TET1: variants seen among roughly 807,000 people sequenced by gnomAD.
The protein encoded by TET1 is methylcytosine dioxygenase TET1.
Under a neutral mutation model 148.7 loss-of-function variants are expected in TET1, and 13 were observed. That is an observed-to-expected ratio of 0.09 (90% confidence interval 0.06 to 0.14). The LOEUF (loss-of-function observed/expected upper bound fraction) is 0.14. TET1 is among the 10% of genes least tolerant of loss of function. TET1 has a pLI of 1.00. For synonymous variants in TET1, 907 were observed against 937.2 expected (o/e 0.97, Z 0.59); for missense variants, 2,182 against 2,553.8 (o/e 0.85, Z 3.14).
intron 10 of TET1, 48 bp downstream of exon 10, chr10:68,683,021 C>T: frequency 6.3e-7 from 1 of 1,599,958 alleles, no homozygotes; most frequent in Non-Finnish European, 8.5e-7. Context: ...TCACTATATG[C>T]TTAGGCTGCA....
intron 1 of TET1, among the ~76,000 whole-genome samples, chr10:68,563,961 C>T (rs2053581125): frequency 6.6e-6 from 1 of 152,048 alleles, no homozygotes. Context: ...AGATTACAGG[C>T]AAGAACCACC....
chr10:68,596,500 G>A (rs915147210), intron 2 of TET1, among the ~76,000 whole-genome samples: 1 of 151,928 alleles, frequency 6.6e-6, no homozygotes, highest in African/African-American at 2.4e-5. Flanking sequence ...TGTAGCTTAG[G>A]CTAGCCTTGA....
chr10:68,601,168 A>G (rs116814803), intron 3 of TET1, 134 bp downstream of exon 3: 2 of 717,148 alleles, frequency 2.8e-6, no homozygotes, highest in Admixed American at 3.3e-5. Context: ...ATTTCCACTC[A>G]ACTAAAGTGT....
At chr10:68,579,611 C>T (rs535883271) in intron 2 of TET1, among the ~76,000 whole-genome samples, 45 of 152,332 alleles carry the variant, frequency 3.0e-4, no homozygotes, top group Non-Finnish European at 5.9e-4. Context: ...CATGATTCTC[C>T]TATCTAACTA....
intron 3 of TET1, among the ~76,000 whole-genome samples, chr10:68,624,602 C>CTCTTTCTTTCTT (rs771481993): frequency 2.5e-4 from 28 of 113,946 alleles, no homozygotes; most frequent in African/African-American, 3.3e-4. Flanking sequence ...TTTTCTTTTT[C>CTCTTTCTTTCTT]TCTTTCTTTC....
intron 3 of TET1, among the ~76,000 whole-genome samples, chr10:68,618,334 A>T (rs542135096): frequency 5.3e-4 from 80 of 152,008 alleles, no homozygotes; most frequent in Middle Eastern, 6.8e-3. Flanking sequence ...CATATTTTTT[A>T]AAAAAAATAG....
rs766166427 is a variant in TET1 at position 68,573,807 on chromosome 10, C to T, written c.1469C>T (p.Pro490Leu). The change falls in exon 2 of 12, where the codon CCA (proline) becomes CTA (leucine). Residue 490 changes from proline (P) to leucine (L), a missense_variant. By Grantham distance (98) the Pro-to-Leu change is moderately conservative. Around this residue, in one of 11 missense-constraint regions of TET1, gnomAD observed 665 missense variants for 672.4 expected, o/e 0.99. Coordinates refer to ENST00000373644, the MANE Select transcript of TET1 (RefSeq NM_030625.3). ...AACTCAGAGAAAAATTCATTACCTC[C>T]AGTAATGGCTATAAGCAATGTAGAA... The part of the protein sequence containing the change: ...SSNSEKNSLP[P>L]VMAISNVENE... The T allele has an allele frequency of 2.5e-6, 4 of 1,613,886 alleles. No homozygotes were observed. In the South Asian group the frequency reaches 3.3e-5, roughly 13 times the overall value.
At chr10:68,627,943 A>G (rs2054511039) in intron 3 of TET1, among the ~76,000 whole-genome samples, 1 of 151,968 alleles carries the variant, frequency 6.6e-6, no homozygotes, top group South Asian at 2.1e-4. Context: ...CTAAAAAAAA[A>G]AGAAGAAAGA....
At chr10:68,663,286 T>C (rs1477897760) in intron 6 of TET1, among the ~76,000 whole-genome samples, 2 of 152,248 alleles carry the variant, frequency 1.3e-5, no homozygotes, top group African/African-American at 4.8e-5. Context: ...AACACTATTA[T>C]GTTCTTCCAA....
intron 2 of TET1, among the ~76,000 whole-genome samples, chr10:68,598,701 T>C (rs1274327852): frequency 3.9e-5 from 3 of 76,898 alleles, no homozygotes; most frequent in Non-Finnish European, 8.4e-5. Context: ...TTTTTCTTTC[T>C]TTTTTTTTTT....
At chr10:68,680,225 G>A (rs565098363) in intron 8 of TET1, among the ~76,000 whole-genome samples, 7 of 152,332 alleles carry the variant, frequency 4.6e-5, no homozygotes, top group African/African-American at 1.7e-4. Flanking sequence ...CATACCAAAG[G>A]TCAATTGATT....
At chr10:68,578,246 T>A (rs922944147) in intron 2 of TET1, among the ~76,000 whole-genome samples, 3 of 152,010 alleles carry the variant, frequency 2.0e-5, no homozygotes, top group Non-Finnish European at 4.4e-5. Context: ...CACCAAAATT[T>A]TATTTTATTT....
At chr10:68,631,142 TTC>T (rs1482385098) in intron 3 of TET1, among the ~76,000 whole-genome samples, 1 of 152,158 alleles carries the variant, frequency 6.6e-6, no homozygotes, top group African/African-American at 2.4e-5. Flanking sequence ...TGCCACTGAA[TTC>T]CAGCCTAGGC....
chr10:68,669,401 C>A (rs1455518948), intron 7 of TET1, among the ~76,000 whole-genome samples: 1 of 149,870 alleles, frequency 6.7e-6, no homozygotes, highest in African/African-American at 2.5e-5. Context: ...AACTCTGCAT[C>A]CCAGGTTCAC....
rs181175691 is a variant in TET1, at chr10:68,683,897, C to T, written c.5052+924C>T. On this transcript the variant is annotated intron_variant, in intron 10 of 11. Transcript: ENST00000373644. ...GTTATGTAAATCATCACATGTCCAT[C>T]GCCTGAAGTCAATTAAGAAATACGT... Among the ~76,000 whole-genome samples, 310 of 152,264 alleles carry T rather than the reference C, an allele frequency of 2.0e-3. 3 individuals are homozygous for T. Among genetic ancestry groups the T allele is most frequent in the African/African-American group, 7.0e-3 (290 of 41,536 alleles).
chr10:68,561,330 G>A (rs1034661040), intron 1 of TET1, among the ~76,000 whole-genome samples: 15 of 152,192 alleles, frequency 9.9e-5, no homozygotes, highest in Non-Finnish European at 1.3e-4. Context: ...TTTTGGGACG[G>A]CAGCTCCAGG....
intron 6 of TET1, among the ~76,000 whole-genome samples, chr10:68,653,873 G>A (rs897732642): frequency 2.6e-5 from 4 of 152,168 alleles, no homozygotes; most frequent in Middle Eastern, 6.8e-3. Context: ...TTGGGAGGCC[G>A]AGGTGGGCAG....
intron 2 of TET1, among the ~76,000 whole-genome samples, chr10:68,578,351 C>T (rs1168650178): frequency 1.3e-5 from 2 of 152,070 alleles, no homozygotes; most frequent in Non-Finnish European, 1.5e-5. Flanking sequence ...CTCCACCTCC[C>T]GGGTTCAAGC....
intron 6 of TET1, among the ~76,000 whole-genome samples, chr10:68,654,106 C>CA (rs66890965): frequency 0.043 from 3,622 of 84,976 alleles, 347 homozygotes; most frequent in Admixed American, 0.083. Flanking sequence ...AAAATGTCTC[C>CA]AAAAAAAAAA....
Sources: allele counts gnomAD v4.1 joint callset (sites outside exome capture counted in the v4.1 genomes callset), GRCh38; gene constraint gnomAD v4.1.1; regional missense constraint gnomAD v4.1.1; transcripts MANE v1.5; gene names NCBI Gene and HGNC (gene_info 2026-07-23, HGNC 2026-07-21).